RBPMS: variants seen among roughly 807,000 people sequenced by gnomAD.
RBPMS encodes the protein RNA binding protein, mRNA processing factor, also known as RNA-binding protein with multiple splicing.
Under a neutral mutation model 26.8 loss-of-function variants are expected in RBPMS, and 7 were observed. The ratio of observed to expected loss-of-function variants is 0.26; its 90% confidence interval spans 0.15 to 0.49. The LOEUF (loss-of-function observed/expected upper bound fraction) is 0.49. RBPMS is among the 20% of genes least tolerant of loss of function. RBPMS has a pLI of 0.98. For missense variants in RBPMS, 186 were observed against 250.0 expected, an observed-to-expected ratio of 0.74 and a Z score of 1.73; for synonymous variants, 96 against 93.3, an observed-to-expected ratio of 1.03 and a Z score of -0.17.
chr8:30,569,228 C>T (rs1026948576), intron 8 of RBPMS, among the ~76,000 whole-genome samples: 2 of 152,224 alleles, frequency 1.3e-5, no homozygotes, highest in African/African-American at 4.8e-5. Context: ...CATAAATGAC[C>T]CACCACTCCT....
At chr8:30,562,136 GC>G in intron 7 of RBPMS, 1 of 650,428 alleles carries the variant, frequency 1.5e-6, no homozygotes, top group Non-Finnish European at 1.9e-6. Flanking sequence ...TTTGAGACCA[GC>G]CCAGCCAACA....
chr8:30,437,845 G>T (rs1812642193), intron 1 of RBPMS, among the ~76,000 whole-genome samples: 1 of 149,674 alleles, frequency 6.7e-6, no homozygotes, highest in African/African-American at 2.5e-5. Context: ...TGTAATCCCA[G>T]CTACTCAGGA....
rs56184994 is a variant in RBPMS at position 30,513,587 on chromosome 8, CAAAAAAAAAA to C, written c.397+9170_397+9179del. 4.6e-3 allele frequency among the ~76,000 whole-genome samples: 495 copies of C among 108,490 alleles called. 4 individuals carry two copies. Among genetic ancestry groups the C allele is most frequent in the African/African-American group, 8.2e-3 (237 of 28,864 alleles). The allele number at this position is 108,490 out of a possible 152,430, so 71.2% of individuals were successfully genotyped here. ...TGGGCGACACAGCGAGACTCCATCT[CAAAAAAAAAA>C]AAAAAAAAAAAAAAAAAATCAGGGA... On this transcript the variant is annotated intron_variant, in intron 5 of 8. Coordinates refer to ENST00000397323, the MANE Select transcript of RBPMS (RefSeq NM_001008710.3).
At chr8:30,494,252 T>G (rs1177925057) in intron 4 of RBPMS, among the ~76,000 whole-genome samples, 1 of 152,192 alleles carries the variant, frequency 6.6e-6, no homozygotes, top group African/African-American at 2.4e-5. Context: ...TTTCTCCCAA[T>G]TGGGGCAGTC....
intron 7 of RBPMS, 142 bp downstream of exon 7, chr8:30,559,098 T>C: frequency 4.3e-6 from 3 of 703,632 alleles, no homozygotes; most frequent in Non-Finnish European, 7.4e-6. Flanking sequence ...TAAACTCACT[T>C]GAACTACATA....
chr8:30,438,445 G>A (rs149552454), intron 1 of RBPMS, among the ~76,000 whole-genome samples: 3 of 152,298 alleles, frequency 2.0e-5, no homozygotes, highest in Middle Eastern at 3.4e-3. Context: ...TGCCATTTAC[G>A]TGAAACTTGT....
chr8:30,386,101 G>C lies in RBPMS; in HGVS notation c.66+943G>C, dbSNP rs377422708. On this transcript the variant is annotated intron_variant, in intron 1 of 8. Coordinates refer to ENST00000397323, the MANE Select transcript of RBPMS (RefSeq NM_001008710.3). Reference sequence around the variant, plus strand: ...GTTCTTAAACATTCTAGAGGAACTTGAGAGTGTGTGTAGATGCAGGAAAGT... The same window carrying C: ...GTTCTTAAACATTCTAGAGGAACTTCAGAGTGTGTGTAGATGCAGGAAAGT... Among the ~76,000 whole-genome samples the C allele has an allele frequency of 1.5e-4, 23 of 152,322 alleles. No homozygotes were observed. In the East Asian group the frequency reaches 1.7e-3, roughly 11 times the overall value.
intron 1 of RBPMS, among the ~76,000 whole-genome samples, chr8:30,413,167 C>T (rs1313582663): frequency 1.3e-5 from 2 of 152,212 alleles, no homozygotes; most frequent in East Asian, 1.9e-4. Flanking sequence ...CAGCCTCTGC[C>T]ACTCAGGTTC....
rs1032873087 is a variant in RBPMS, at chr8:30,556,802, T to C, written c.529-2085T>C. 10 of 985,740 alleles carry C rather than the reference T, an allele frequency of 1.0e-5. No homozygotes were observed. In the African/African-American group the frequency reaches 1.2e-4, roughly 12 times the overall value. The allele number at this position is 985,740 out of a possible 1,614,324, so 61.1% of individuals were successfully genotyped here. On this transcript the variant is annotated intron_variant, in intron 6 of 8. Coordinates refer to ENST00000397323, the MANE Select transcript of RBPMS (RefSeq NM_001008710.3). ...CCAGGCCATGAGCCGTGGGTAGGTA[T>C]GAGTTCTTTCTTCTCCCCACCTCTG... is the stretch of plus-strand genomic sequence containing the variant.
intron 1 of RBPMS, among the ~76,000 whole-genome samples, chr8:30,454,309 G>A (rs185846757): frequency 2.0e-3 from 306 of 152,302 alleles, no homozygotes; most frequent in African/African-American, 4.6e-3. Flanking sequence ...ACTATTGTCT[G>A]TTCCATGGAT....
rs777218170 is a variant in RBPMS, at chr8:30,549,824, C to CTCTTTTCTT, written c.528+5223_528+5231dup. 4.6e-3 allele frequency among the ~76,000 whole-genome samples: 578 copies of CTCTTTTCTT among 126,178 alleles called. 1 individual carries two copies. Among genetic ancestry groups the CTCTTTTCTT allele is most frequent in the Non-Finnish European group, 8.3e-3 (484 of 58,378 alleles). 82.8% of individuals were successfully genotyped at this position (126,178 alleles called of 152,430 possible). ...CTCTCTCCTCTCTCTCTCTCTCTCT[C>CTCTTTTCTT]TCTTTTCTTTCTTTTCTTTCTTTTC... On this transcript the variant is annotated intron_variant, in intron 6 of 8. Transcript: ENST00000397323.
In RBPMS at chr8:30,471,097, CAAA is replaced by C. The variant is rs1309023985; in HGVS notation, c.67-3681_67-3679del. On this transcript the variant is annotated intron_variant, in intron 1 of 8. Transcript: ENST00000397323. Reference sequence around the variant, plus strand: ...ATTTATTTTAGAAAGATGGAAAATACAAATAAGCTAATAAACATTAAAATCAGT... The same window carrying C: ...ATTTATTTTAGAAAGATGGAAAATACTAAGCTAATAAACATTAAAATCAGT... 2.0e-5 allele frequency among the ~76,000 whole-genome samples: 3 copies of C among 151,982 alleles called. No individual in the cohort carries two copies. In the East Asian group the frequency reaches 5.8e-4, roughly 29 times the overall value.
At position 30,384,936 on chromosome 8, in the gene RBPMS, C is replaced by G. The variant is rs572613319; in HGVS notation, c.-157C>G. On this transcript the variant is annotated 5_prime_UTR_variant, in exon 1 of 9. Transcript: ENST00000397323. This position sits in a 1 kb window ranked among gnomAD's most constrained non-coding sequence, Gnocchi z 5.6. ...CGCGGGAGCCCCAGCCCAACCCGAGCCCGACAGCCACTGCCCCGGCTCCAG... is the reference window on the plus strand; with the variant it reads ...CGCGGGAGCCCCAGCCCAACCCGAGGCCGACAGCCACTGCCCCGGCTCCAG... The G allele has an allele frequency of 2.7e-3, 1,165 of 433,554 alleles. 2 individuals carry two copies. Among genetic ancestry groups the G allele is most frequent in the Non-Finnish European group, 3.9e-3 (995 of 257,354 alleles). 26.9% of individuals were successfully genotyped at this position (433,554 alleles called of 1,614,324 possible).
intron 7 of RBPMS, 112 bp from the exon 8 acceptor site, chr8:30,566,145 G>A (rs1215455043): frequency 2.3e-5 from 9 of 397,408 alleles, no homozygotes; most frequent in Non-Finnish European, 3.1e-5. Context: ...GATCTCTTTC[G>A]GCGTTGCCTC....
intron 1 of RBPMS, chr8:30,446,854 C>CACGTGCGCACGT (rs113940653): frequency 2.2e-5 from 3 of 138,010 alleles, no homozygotes; most frequent in African/African-American, 8.8e-5. Flanking sequence ...CGCGCGCGCG[C>CACGTGCGCACGT]GCGCGGTGGA....
At chr8:30,456,788 G>T (rs1007465098) in intron 1 of RBPMS, among the ~76,000 whole-genome samples, 7 of 152,158 alleles carry the variant, frequency 4.6e-5, no homozygotes, top group Non-Finnish European at 7.3e-5. Flanking sequence ...GGGCATGGTG[G>T]CGTGCGCCTG....
At chr8:30,443,625 C>A (rs1263805628) in intron 1 of RBPMS, among the ~76,000 whole-genome samples, 1 of 151,894 alleles carries the variant, frequency 6.6e-6, no homozygotes, top group Non-Finnish European at 1.5e-5. Flanking sequence ...GACAAAGTCT[C>A]GCTCTGTTGC....
chr8:30,384,911 C>T lies in RBPMS; in HGVS notation c.-182C>T, dbSNP rs1265726359. On this transcript the variant is annotated 5_prime_UTR_variant, in exon 1 of 9. Coordinates refer to ENST00000397323, the MANE Select transcript of RBPMS (RefSeq NM_001008710.3). The surrounding 1 kb of genome is among the most constrained non-coding windows in gnomAD (Gnocchi z 5.6). ...CCCGCCGCCGCCGTCGCAGACTCGC[C>T]GCGGGAGCCCCAGCCCAACCCGAGC... is the stretch of plus-strand genomic sequence containing the variant. The T allele has an allele frequency of 1.3e-5, 5 of 376,148 alleles. No individual in the cohort carries two copies. The highest frequency in any genetic ancestry group is 2.1e-5 in the African/African-American group (1 of 46,690). The allele number at this position is 376,148 out of a possible 1,614,324, so 23.3% of individuals were successfully genotyped here. A position where few individuals can be genotyped will look rare whatever the true frequency, so the allele number is the denominator to read the frequency against.
intron 1 of RBPMS, among the ~76,000 whole-genome samples, chr8:30,389,383 G>T (rs1386572770): frequency 1.3e-5 from 2 of 152,182 alleles, no homozygotes; most frequent in Admixed American, 6.5e-5. Flanking sequence ...GGAAGGGGTG[G>T]AAGTTCTCTT....
Sources: gnomAD v4.1 joint callset for allele counts (sites outside exome capture counted in the v4.1 genomes callset) on GRCh38, gnomAD v4.1.1 for gene constraint, Gnocchi (gnomAD v3.1) non-coding constraint, MANE v1.5 for transcripts, NCBI Gene and HGNC (gene_info 2026-07-23, HGNC 2026-07-21) for gene names.